Variants in DNAH3 observed in about 807,000 individuals in gnomAD.
The protein encoded by DNAH3 is axonemal beta dynein heavy chain 3.
A neutral mutation model predicts 432.5 loss-of-function variants in DNAH3; 332 were observed. The observed-to-expected ratio is 0.77, with a 90% CI of 0.70 to 0.84. The LOEUF is 0.84. Ranked by LOEUF, DNAH3 falls within the 40% of genes least tolerant of loss-of-function variation. The probability of loss-of-function intolerance (pLI) is 0.00; values close to 1 mark genes in which losing one functional copy is unlikely to be tolerated. For missense variants in DNAH3, 4,861 were observed against 5,114.0 expected, an observed-to-expected ratio of 0.95 and a Z score of 1.51; for synonymous variants, 1,956 against 1,900.2, an observed-to-expected ratio of 1.03 and a Z score of -0.76.
chr16:20,936,448 G>A (rs935444153), intron 60 of DNAH3, among the ~76,000 whole-genome samples: 1 of 152,032 alleles, frequency 6.6e-6, no homozygotes, highest in African/African-American at 2.4e-5. Flanking sequence ...GAGCCACTGC[G>A]CCCGGCCGGC....
At chr16:21,032,503 T>G (rs2088936095) in intron 36 of DNAH3, among the ~76,000 whole-genome samples, 1 of 152,038 alleles carries the variant, frequency 6.6e-6, no homozygotes, top group Admixed American at 6.6e-5. Context: ...AGTGCTTGAG[T>G]CATGAACTAA....
At position 21,063,833 on chromosome 16, in the gene DNAH3, C is replaced by CA. The variant is rs536604949; in HGVS notation, c.3519-1151dup. On this transcript the variant is annotated intron_variant, in intron 24 of 61. Coordinates refer to ENST00000261383, the Ensembl canonical transcript of DNAH3. ...CTGGGACTGTAAATGTGAGCCACTG[C>CA]ACTCAGCCCTTTACTATCTTTTAAA... 2.0e-5 allele frequency among the ~76,000 whole-genome samples: 3 copies of CA among 152,312 alleles called. No individual in the cohort carries two copies. In the East Asian group the frequency reaches 5.8e-4, roughly 29 times the overall value.
chr16:21,064,034 C>T (rs533691876), intron 24 of DNAH3, among the ~76,000 whole-genome samples: 78 of 152,260 alleles, frequency 5.1e-4, no homozygotes, highest in Middle Eastern at 3.4e-3. Context: ...AAAATGGCCA[C>T]GATATTTACA....
At chr16:20,961,362 G>GA (rs750706401) in intron 53 of DNAH3, among the ~76,000 whole-genome samples, 2 of 152,042 alleles carry the variant, frequency 1.3e-5, no homozygotes, top group African/African-American at 4.8e-5. Flanking sequence ...CGGGGAGGGA[G>GA]AAAGGATAGC....
chr16:20,959,444 G>GC, intron 53 of DNAH3, 40 bp from the exon 54 acceptor site: 1 of 1,586,074 alleles, frequency 6.3e-7, no homozygotes, highest in Non-Finnish European at 8.6e-7. Flanking sequence ...AAGACGACAG[G>GC]CCAGCTAACA....
At chr16:20,996,905 G>A (rs867255901) in intron 44 of DNAH3, 3 of 185,790 alleles carry the variant, frequency 1.6e-5, no homozygotes, top group Non-Finnish European at 3.3e-5. Context: ...AGGGCACTTT[G>A]GGTTAGGCAT....
At chr16:21,147,026 C>T (rs2092793409) in intron 1 of DNAH3, among the ~76,000 whole-genome samples, 1 of 151,946 alleles carries the variant, frequency 6.6e-6, no homozygotes, top group South Asian at 2.1e-4. Flanking sequence ...TCCCAAAGTT[C>T]TGGGATTACA....
intron 41 of DNAH3, among the ~76,000 whole-genome samples, chr16:21,007,329 C>A (rs1476975618): frequency 1.3e-5 from 2 of 151,830 alleles, no homozygotes; most frequent in Non-Finnish European, 2.9e-5. Flanking sequence ...CTGCCTCAGC[C>A]TCCCAAGTAG....
intron 9 of DNAH3, among the ~76,000 whole-genome samples, chr16:21,122,483 G>A (rs2092364598): frequency 6.6e-6 from 1 of 152,162 alleles, no homozygotes; most frequent in Admixed American, 6.5e-5. Flanking sequence ...CTTGAACCCA[G>A]GAGGCAGAGG....
At chr16:21,132,349 T>G (rs2092576928) in intron 7 of DNAH3, among the ~76,000 whole-genome samples, 1 of 152,212 alleles carries the variant, frequency 6.6e-6, no homozygotes, top group Non-Finnish European at 1.5e-5. Context: ...CCTCTAATTT[T>G]TCTAATACAA....
intron 11 of DNAH3, among the ~76,000 whole-genome samples, chr16:21,119,601 C>CT (rs1325757702): frequency 5.2e-4 from 75 of 143,030 alleles, no homozygotes; most frequent in South Asian, 2.7e-3. Context: ...AAAAAAAATT[C>CT]TTTTTTTTTT....
chr16:20,945,461 CTCTG>C (rs1201502333), intron 57 of DNAH3, among the ~76,000 whole-genome samples: 1 of 151,828 alleles, frequency 6.6e-6, no homozygotes, highest in Non-Finnish European at 1.5e-5. Context: ...CATGTCATTG[CTCTG>C]TCTATGAAGT....
At chr16:20,965,501 T>C in intron 52 of DNAH3, 76 bp from the exon 53 acceptor site, 1 of 1,258,214 alleles carries the variant, frequency 7.9e-7, no homozygotes, top group Non-Finnish European at 1.1e-6. Flanking sequence ...TGGTTACTGC[T>C]GGTATTTGAG....
intron 24 of DNAH3, among the ~76,000 whole-genome samples, chr16:21,066,383 T>C (rs546488623): frequency 1.3e-5 from 2 of 151,896 alleles, no homozygotes; most frequent in Non-Finnish European, 2.9e-5. Flanking sequence ...TTTTTTTTAT[T>C]TTGAGACATG....
chr16:21,097,640 A>G, intron 17 of DNAH3, 141 bp from the exon 18 acceptor site: 7 of 1,045,154 alleles, frequency 6.7e-6, no homozygotes, highest in Non-Finnish European at 9.8e-6. Flanking sequence ...AGGAAACTAA[A>G]GCATGAACTC....
chr16:20,942,092 G>A (rs1048955804), intron 58 of DNAH3, among the ~76,000 whole-genome samples: 14 of 149,874 alleles, frequency 9.3e-5, no homozygotes, highest in East Asian at 2.0e-4. Flanking sequence ...AAAAAGAGTC[G>A]TGTCCTGACA....
chr16:20,935,972 C>T (rs949480021), intron 60 of DNAH3, among the ~76,000 whole-genome samples: 1 of 152,088 alleles, frequency 6.6e-6, no homozygotes, highest in Non-Finnish European at 1.5e-5. Context: ...CAGCAATAGT[C>T]GCCATGCCAT....
In DNAH3 at chr16:21,032,536, GGT is replaced by G. The variant is rs1337249841; in HGVS notation, c.5198-1252_5198-1251del. On this transcript the variant is annotated intron_variant, in intron 36 of 61. Transcript: ENST00000261383. ...TAAATAAAGAACCACCTCTGGGCCA[GGT>G]GTTGTGGCTCATGCCTGTAATCTCA... 2.0e-5 allele frequency among the ~76,000 whole-genome samples: 3 copies of G among 152,304 alleles called. No homozygotes were observed. The East Asian group carries it at 5.8e-4, about 29-fold the overall frequency.
intron 40 of DNAH3, 125 bp downstream of exon 40, chr16:21,021,846 T>C: frequency 8.6e-7 from 1 of 1,165,882 alleles, no homozygotes. Context: ...GAGGCTGCAG[T>C]GAGCCAAGAT....
Sources: gnomAD v4.1 joint callset for allele counts (sites outside exome capture counted in the v4.1 genomes callset) on GRCh38, gnomAD v4.1.1 for gene constraint, MANE v1.5 for transcripts, NCBI Gene and HGNC (gene_info 2026-07-23, HGNC 2026-07-21) for gene names.